The following LHX6 variants were observed in gnomAD, a reference collection of about 807,000 sequenced individuals.
LHX6 encodes the protein LIM homeobox 6, also known as LIM/homeobox protein Lhx6.
Under a neutral mutation model 47.1 loss-of-function variants are expected in LHX6, and 15 were observed. That is an observed-to-expected ratio of 0.32 (90% CI 0.21 to 0.49). LHX6 has a LOEUF of 0.49. LHX6 is among the 20% of genes least tolerant of loss of function. The pLI, the probability that LHX6 is intolerant of heterozygous loss-of-function variation, is 0.99. For synonymous variants in LHX6, 242 were observed against 233.5 expected (o/e 1.04, Z -0.33); for missense variants, 404 against 539.6 (o/e 0.75, Z 2.49).
rs774825314 is a variant in LHX6, at chr9:122,213,659, G to C, written c.1001C>G (p.Pro334Arg). Reference sequence around the variant, plus strand: ...GCGCGCCCGCTCGGGGCTGCTGAACGGGGTGTAGTGGATGTCGTCGGACAG... The same window carrying C: ...GCGCGCCCGCTCGGGGCTGCTGAACCGGGTGTAGTGGATGTCGTCGGACAG... ...SALSDDIHYTPFSSPERARMV... is the reference protein window; with the variant it reads ...SALSDDIHYTRFSSPERARMV... The change falls in exon 8 of 10, where the codon CCG (proline) becomes CGG (arginine). Residue 334 changes from proline (P) to arginine (R), a missense_variant. By Grantham distance (103) the Pro-to-Arg change is moderately radical. This residue lies in a region of LHX6 where 127 missense variants were observed against 116.1 expected (regional missense o/e 1.09). Coordinates refer to ENST00000394319, the MANE Select transcript of LHX6 (RefSeq NM_014368.5). The surrounding 1 kb of genome is among the most constrained non-coding windows in gnomAD (Gnocchi z 5.5). The C allele has an allele frequency of 2.2e-5, 35 of 1,611,192 alleles. No individual in the cohort carries two copies. Among genetic ancestry groups the C allele is most frequent in the South Asian group, 3.3e-5 (3 of 91,028 alleles).
chr9:122,226,621 T>G lies in LHX6; in HGVS notation c.340-124A>C. 1 of 1,403,744 alleles carries G rather than the reference T, an allele frequency of 7.1e-7. No individual in the cohort carries two copies. Among genetic ancestry groups the G allele is most frequent in the East Asian group, 2.3e-5 (1 of 42,888 alleles). The allele number at this position is 1,403,744 out of a possible 1,614,324, so 87.0% of individuals were successfully genotyped here. On this transcript the variant is annotated intron_variant, in intron 3 of 9. Transcript: ENST00000394319. This position sits in a 1 kb window ranked among gnomAD's most constrained non-coding sequence, Gnocchi z 6.5. ...TCAGAAGGTGCATGCGATTCCCCTATTTTTCTCCCGTAATACTGAGACTCA... is the reference window on the plus strand; with the variant it reads ...TCAGAAGGTGCATGCGATTCCCCTAGTTTTCTCCCGTAATACTGAGACTCA...
intron 9 of LHX6, among the ~76,000 whole-genome samples, chr9:122,209,141 T>TAA (rs944521859): frequency 1.4e-4 from 21 of 152,214 alleles, no homozygotes; most frequent in African/African-American, 5.1e-4. Context: ...AGTGCAGTCC[T>TAA]AAAGCCTGAG....
In LHX6 at chr9:122,214,163, C is replaced by A. The variant is rs1361064796; in HGVS notation, c.784-94G>T. 2 of 1,416,716 alleles carry A rather than the reference C, an allele frequency of 1.4e-6. No individual in the cohort carries two copies. The highest frequency in any genetic ancestry group is 1.5e-5 in the African/African-American group (1 of 68,278). The allele number at this position is 1,416,716 out of a possible 1,614,324, so 87.8% of individuals were successfully genotyped here. A position where few individuals can be genotyped will look rare whatever the true frequency, so the allele number is the denominator to read the frequency against. ...GCCAGTCCACAGGCCACGCCCCAGGCAGCTGCGGCCCCGCCCCGCCACCCG... is the reference window on the plus strand; with the variant it reads ...GCCAGTCCACAGGCCACGCCCCAGGAAGCTGCGGCCCCGCCCCGCCACCCG... On this transcript the variant is annotated intron_variant, in intron 6 of 9. Coordinates refer to ENST00000394319, the MANE Select transcript of LHX6 (RefSeq NM_014368.5). The surrounding 1 kb of genome is among the most constrained non-coding windows in gnomAD (Gnocchi z 4.6).
Position 122,213,945 on chromosome 9 carries a change from TC to T in LHX6, c.879+28del. 1 of 1,485,452 alleles carries T rather than the reference TC, an allele frequency of 6.7e-7. No individual in the cohort carries two copies. The highest frequency in any genetic ancestry group is 9.3e-7 in the Non-Finnish European group (1 of 1,077,304). 92.0% of individuals were successfully genotyped at this position (1,485,452 alleles called of 1,614,324 possible). A position where few individuals can be genotyped will look rare whatever the true frequency, so the allele number is the denominator to read the frequency against. ...TACGAGCTCCGGGGCGTGCCCGCGG[TC>T]CCCAGGCCCCGCCCACCCCCGTCCC... is the stretch of plus-strand genomic sequence containing the variant. On this transcript the variant is annotated intron_variant, in intron 7 of 9. Coordinates refer to ENST00000394319, the MANE Select transcript of LHX6 (RefSeq NM_014368.5). This position sits in a 1 kb window ranked among gnomAD's most constrained non-coding sequence, Gnocchi z 5.5.
At position 122,213,871 on chromosome 9, in the gene LHX6, T is replaced by TG; in HGVS notation, c.880-92dup. The TG allele has an allele frequency of 6.6e-7, 1 of 1,513,294 alleles. No individual in the cohort carries two copies. The highest frequency in any genetic ancestry group is 1.2e-5 in the South Asian group (1 of 84,628). 93.7% of individuals were successfully genotyped at this position (1,513,294 alleles called of 1,614,324 possible). The stretch of plus-strand genomic sequence containing the variant: ...CAGGCGGGACTGCCTCGTCGCCTCC[T>TG]GGAGAAGGATGGCCACGTGCACGCA... On this transcript the variant is annotated intron_variant, in intron 7 of 9. Coordinates refer to ENST00000394319, the MANE Select transcript of LHX6 (RefSeq NM_014368.5). This position sits in a 1 kb window ranked among gnomAD's most constrained non-coding sequence, Gnocchi z 5.5.
rs895787714 is a variant in LHX6, at chr9:122,217,735, C to T, written c.462-447G>A. On this transcript the variant is annotated intron_variant, in intron 4 of 9. Transcript: ENST00000394319. This position sits in a 1 kb window ranked among gnomAD's most constrained non-coding sequence, Gnocchi z 4.9. ...AGGTAAAGTAACTTGCAGGAGGTCA[C>T]ACCGCTTGCAATGATAGGAACCCTA... Among the ~76,000 whole-genome samples the T allele has an allele frequency of 6.6e-6, 1 of 152,130 alleles. No homozygotes were observed. Among genetic ancestry groups the T allele is most frequent in the Non-Finnish European group, 1.5e-5 (1 of 68,040 alleles).
chr9:122,227,646 C>G, intron 1 of LHX6, 166 bp from the exon 2 acceptor site: 3 of 1,327,814 alleles, frequency 2.3e-6, no homozygotes, highest in Middle Eastern at 2.2e-4. Context: ...CGGTGTCTCT[C>G]TAATGAAGCA....
At chr9:122,218,466 C>T (rs1435083672) in intron 4 of LHX6, among the ~76,000 whole-genome samples, 1 of 152,144 alleles carries the variant, frequency 6.6e-6, no homozygotes, top group Non-Finnish European at 1.5e-5. Flanking sequence ...GGATCCATCT[C>T]CTTCTCACCA....
chr9:122,213,961 A>AC lies in LHX6; in HGVS notation c.879+12dup. On this transcript the variant is annotated intron_variant, in intron 7 of 9. Coordinates refer to ENST00000394319, the MANE Select transcript of LHX6 (RefSeq NM_014368.5). This position sits in a 1 kb window ranked among gnomAD's most constrained non-coding sequence, Gnocchi z 5.5. ...TGCCCGCGGTCCCCAGGCCCCGCCC[A>AC]CCCCCGTCCCACCTGGATGACTCTC... The AC allele has an allele frequency of 5.8e-6, 4 of 686,854 alleles. No homozygotes were observed. The highest frequency in any genetic ancestry group is 9.3e-6 in the Non-Finnish European group (4 of 432,006). The allele number at this position is 686,854 out of a possible 1,614,324, so 42.5% of individuals were successfully genotyped here. A position where few individuals can be genotyped will look rare whatever the true frequency, so the allele number is the denominator to read the frequency against.
chr9:122,228,622 G>T (rs1831211847), intron 1 of LHX6, 35 bp downstream of exon 1: 2 of 1,305,580 alleles, frequency 1.5e-6, no homozygotes, highest in Non-Finnish European at 1.9e-6. Flanking sequence ...CCCGACCCCG[G>T]CCCGGGCCGC....
chr9:122,221,459 A>G (rs1023309385), intron 4 of LHX6: 3 of 985,400 alleles, frequency 3.0e-6, no homozygotes, highest in African/African-American at 3.5e-5. Flanking sequence ...AGCCCGCGAC[A>G]GAGCTTGGGC....
At chr9:122,219,174 C>T (rs1295459945) in intron 4 of LHX6, among the ~76,000 whole-genome samples, 1 of 152,256 alleles carries the variant, frequency 6.6e-6, no homozygotes, top group Non-Finnish European at 1.5e-5. Context: ...AAAAAAACAG[C>T]GTTGGGTTGG....
At chr9:122,223,371 C>T (rs1190810607) in intron 4 of LHX6, among the ~76,000 whole-genome samples, 4 of 152,196 alleles carry the variant, frequency 2.6e-5, no homozygotes, top group African/African-American at 9.7e-5. Context: ...AGAAATGGCC[C>T]AGTCCCATCC....
chr9:122,215,803 C>A (rs996654560), intron 5 of LHX6, among the ~76,000 whole-genome samples: 5 of 152,146 alleles, frequency 3.3e-5, no homozygotes, highest in Non-Finnish European at 7.3e-5. Flanking sequence ...AACACTCTTG[C>A]GGTCCCTGAC....
intron 4 of LHX6, chr9:122,221,319 TC>T: frequency 1.0e-6 from 1 of 985,180 alleles, no homozygotes; most frequent in Non-Finnish European, 1.2e-6. Context: ...CCCTCTCGGC[TC>T]CCCCAACATC....
rs1297060102 is a variant in LHX6 at position 122,214,746 on chromosome 9, G to T, written c.683-363C>A. 6.6e-6 allele frequency among the ~76,000 whole-genome samples: 1 copy of T among 152,132 alleles called. No homozygotes were observed. Among genetic ancestry groups the T allele is most frequent in the African/African-American group, 2.4e-5 (1 of 41,402 alleles). ...AATGTCCCAAACTGGGCTCCCTGCTGGCGAAACTGGGGGACACCAAAGGCT... is the reference window on the plus strand; with the variant it reads ...AATGTCCCAAACTGGGCTCCCTGCTTGCGAAACTGGGGGACACCAAAGGCT... On this transcript the variant is annotated intron_variant, in intron 5 of 9. Coordinates refer to ENST00000394319, the MANE Select transcript of LHX6 (RefSeq NM_014368.5). This position sits in a 1 kb window ranked among gnomAD's most constrained non-coding sequence, Gnocchi z 4.6.
chr9:122,228,372 C>T (rs1321873843), intron 1 of LHX6: 32 of 1,525,380 alleles, frequency 2.1e-5, no homozygotes, highest in Non-Finnish European at 2.8e-5. Context: ...GCTATCAGCG[C>T]CTATTCAGAC....
At chr9:122,221,484 C>T (rs970273934) in intron 4 of LHX6, 2 of 985,400 alleles carry the variant, frequency 2.0e-6, no homozygotes, top group African/African-American at 1.7e-5. Flanking sequence ...GGCGGAGGGC[C>T]AGAGAAGGCT....
chr9:122,209,533 A>G (rs1830317743), intron 9 of LHX6, 81 bp downstream of exon 9: 1 of 1,593,206 alleles, frequency 6.3e-7, no homozygotes, highest in African/African-American at 1.3e-5. Context: ...ATGGTACCAA[A>G]TGGTTAACAG....
Sources: allele counts gnomAD v4.1 joint callset (sites outside exome capture counted in the v4.1 genomes callset), GRCh38; gene constraint gnomAD v4.1.1; regional missense constraint gnomAD v4.1.1; non-coding constraint Gnocchi (gnomAD v3.1); transcripts MANE v1.5; gene names NCBI Gene and HGNC (gene_info 2026-07-23, HGNC 2026-07-21).